The following TMEM182 variants were observed in gnomAD, a reference collection of about 807,000 sequenced individuals.
TMEM182 encodes transmembrane protein 182.
In TMEM182, 20 loss-of-function variants were observed where a neutral mutation model predicts 26.8. The ratio of observed to expected loss-of-function variants is 0.75; its 90% CI spans 0.53 to 1.09. TMEM182 has a LOEUF of 1.09. Among genes scored for constraint, TMEM182 ranks in the 50% least tolerant of loss-of-function variants. The probability of loss-of-function intolerance (pLI) is 0.00; values close to 1 mark genes in which losing one functional copy is unlikely to be tolerated. For missense variants in TMEM182, 277 were observed against 275.5 expected, an observed-to-expected ratio of 1.01 and a Z score of -0.04; for synonymous variants, 109 against 102.2, an observed-to-expected ratio of 1.07 and a Z score of -0.40.
intron 3 of TMEM182, among the ~76,000 whole-genome samples, chr2:102,778,041 C>T (rs1320946316): frequency 6.6e-6 from 1 of 151,876 alleles, no homozygotes; most frequent in Admixed American, 6.6e-5. Context: ...ATGATGATGT[C>T]TAGTTTTTCT....
downstream of TMEM182, among the ~76,000 whole-genome samples, chr2:102,818,755 T>TATCC (rs1553444820): frequency 1.4e-5 from 2 of 142,750 alleles, no homozygotes; most frequent in Admixed American, 1.4e-4. Flanking sequence ...CCTATCTATC[T>TATCC]ATCTATCTAT....
In TMEM182 at chr2:102,815,973, T is replaced by A. The variant is rs112687821; in HGVS notation, c.*1005T>A. 3.0e-6 allele frequency: 3 copies of A among 984,750 alleles called. No homozygotes were observed. The African/African-American group carries it at 5.2e-5, about 17-fold the overall frequency. The allele number at this position is 984,750 out of a possible 1,614,324, so 61.0% of individuals were successfully genotyped here. A position where few individuals can be genotyped will look rare whatever the true frequency, so the allele number is the denominator to read the frequency against. On this transcript the variant is annotated 3_prime_UTR_variant, in exon 5 of 5. Coordinates refer to ENST00000412401, the MANE Select transcript of TMEM182 (RefSeq NM_144632.5). ...ATGTTATGGGTTCCAGTTCTTCTGA[T>A]CATTTGATTCCTTTAATTACTGTCC...
chr2:102,788,843 G>A (rs774028823), intron 3 of TMEM182, among the ~76,000 whole-genome samples: 5 of 152,174 alleles, frequency 3.3e-5, no homozygotes, highest in South Asian at 4.1e-4. Flanking sequence ...AGAGTTCTTA[G>A]CGTCCAGAAA....
intron 4 of TMEM182, among the ~76,000 whole-genome samples, chr2:102,800,524 T>A (rs1425428765): frequency 1.3e-5 from 2 of 152,092 alleles, no homozygotes; most frequent in African/African-American, 2.4e-5. Context: ...GCCAAAAAAA[T>A]TTTTCTCACC....
chr2:102,748,985 A>G (rs1164765547), intron 1 of TMEM182, among the ~76,000 whole-genome samples: 1 of 152,186 alleles, frequency 6.6e-6, no homozygotes, highest in Non-Finnish European at 1.5e-5. Context: ...ACACAGATCC[A>G]AGATTACTGG....
At chr2:102,810,936 T>C (rs2104751943) in intron 4 of TMEM182, among the ~76,000 whole-genome samples, 1 of 152,058 alleles carries the variant, frequency 6.6e-6, no homozygotes, top group Non-Finnish European at 1.5e-5. Context: ...TTAAAAGTCC[T>C]GAGATATCAA....
chr2:102,752,362 T>C (rs533348649), intron 1 of TMEM182, among the ~76,000 whole-genome samples: 21 of 152,356 alleles, frequency 1.4e-4, no homozygotes, highest in African/African-American at 4.8e-4. Context: ...GTCATTTGGG[T>C]ATCATGATAT....
chr2:102,841,992 T>C (rs1366272964), intron 3 of TMEM182, among the ~76,000 whole-genome samples: 2 of 152,242 alleles, frequency 1.3e-5, no homozygotes, highest in African/African-American at 4.8e-5. Flanking sequence ...TAGTTACATC[T>C]GAATCCAGAT....
chr2:102,772,133 C>T (rs917542265), intron 3 of TMEM182, among the ~76,000 whole-genome samples: 1 of 152,132 alleles, frequency 6.6e-6, no homozygotes, highest in African/African-American at 2.4e-5. Flanking sequence ...GTATTCAAAC[C>T]CCGAAGGAGA....
At chr2:102,837,429 G>A (rs1304193485) in intron 3 of TMEM182, among the ~76,000 whole-genome samples, 3 of 152,126 alleles carry the variant, frequency 2.0e-5, no homozygotes, top group South Asian at 4.1e-4. Flanking sequence ...TTAATAGGGT[G>A]GAGATTCTGT....
rs78055493 is a variant in TMEM182 at position 102,796,113 on chromosome 2, A to G, written c.332-1750A>G. On this transcript the variant is annotated intron_variant, in intron 3 of 4. Transcript: ENST00000412401. Reference sequence around the variant, plus strand: ...GGATTTACTCTGGCTTTAGGGGGCTATTTTCCTAGATTTCTAGGAAATGAA... The same window carrying G: ...GGATTTACTCTGGCTTTAGGGGGCTGTTTTCCTAGATTTCTAGGAAATGAA... 2.8e-3 allele frequency among the ~76,000 whole-genome samples: 421 copies of G among 152,196 alleles called. 3 individuals are homozygous for G. The highest frequency in any genetic ancestry group is 0.015 in the East Asian group (79 of 5,170).
intron 1 of TMEM182, among the ~76,000 whole-genome samples, chr2:102,750,470 A>G (rs1261886235): frequency 6.6e-6 from 1 of 152,108 alleles, no homozygotes; most frequent in Non-Finnish European, 1.5e-5. Flanking sequence ...GCAAACGTAC[A>G]CCTTCCCAGA....
chr2:102,785,007 T>C (rs72829911), intron 3 of TMEM182, among the ~76,000 whole-genome samples: 20,893 of 152,194 alleles, frequency 0.14, 1,780 homozygotes, highest in East Asian at 0.21. Flanking sequence ...AGCCTCATCT[T>C]ACCCAGCTCG....
intron 3 of TMEM182, among the ~76,000 whole-genome samples, chr2:102,836,511 A>G (rs1386380516): frequency 6.6e-6 from 1 of 152,182 alleles, no homozygotes; most frequent in Non-Finnish European, 1.5e-5. Context: ...CAATGATCTC[A>G]TTGAATCCTT....
chr2:102,822,809 G>A (rs1393343279), intron 3 of TMEM182, among the ~76,000 whole-genome samples: 1 of 148,332 alleles, frequency 6.7e-6, no homozygotes, highest in African/African-American at 2.5e-5. Flanking sequence ...ATGTGTGGAG[G>A]GACGGTGGTG....
At chr2:102,821,987 C>CA (rs57270388), downstream of TMEM182, among the ~76,000 whole-genome samples, 10,507 of 103,044 alleles carry the variant, frequency 0.1, 943 homozygotes, top group African/African-American at 0.27. Flanking sequence ...GACTCTGTCT[C>CA]AAAAAAAAAA....
Position 102,816,375 on chromosome 2 carries a change from A to C in TMEM182, c.*1407A>C. The C allele has an allele frequency of 1.7e-5, 17 of 985,284 alleles. No homozygotes were observed. Among genetic ancestry groups the C allele is most frequent in the Non-Finnish European group, 2.0e-5 (17 of 829,902 alleles). The allele number at this position is 985,284 out of a possible 1,614,324, so 61.0% of individuals were successfully genotyped here. On this transcript the variant is annotated 3_prime_UTR_variant, in exon 5 of 5. Coordinates refer to ENST00000412401, the MANE Select transcript of TMEM182 (RefSeq NM_144632.5). Reference sequence around the variant, plus strand: ...ACTGCTCCTTTTCATCAGCTCTTCCAATGCCGTGGGAGAGGTGATCCCAGT... The same window carrying C: ...ACTGCTCCTTTTCATCAGCTCTTCCCATGCCGTGGGAGAGGTGATCCCAGT...
At chr2:102,806,446 C>T (rs1026895106) in intron 4 of TMEM182, among the ~76,000 whole-genome samples, 3 of 152,094 alleles carry the variant, frequency 2.0e-5, no homozygotes, top group South Asian at 2.1e-4. Flanking sequence ...GGTGCCACCT[C>T]GTGGAGAGTT....
intron 3 of TMEM182, among the ~76,000 whole-genome samples, chr2:102,790,467 A>G (rs1361468716): frequency 6.6e-6 from 1 of 152,200 alleles, no homozygotes; most frequent in African/African-American, 2.4e-5. Context: ...AACTTTTTCC[A>G]TTGAATTCAG....
Sources: gnomAD v4.1 joint callset for allele counts (sites outside exome capture counted in the v4.1 genomes callset) on GRCh38, gnomAD v4.1.1 for gene constraint, MANE v1.5 for transcripts, NCBI Gene and HGNC (gene_info 2026-07-23, HGNC 2026-07-21) for gene names.